The following RBM20 variants were observed in gnomAD, a reference collection of about 807,000 sequenced individuals.
The protein encoded by RBM20 is RNA binding motif protein 20.
Under a neutral mutation model 110.1 loss-of-function variants are expected in RBM20, and 51 were observed. The ratio of observed to expected loss-of-function variants is 0.46; its 90% CI spans 0.37 to 0.59. The LOEUF is 0.59. RBM20 is among the 20% of genes least tolerant of loss of function. The pLI is 0.00. For synonymous variants in RBM20, 589 were observed against 618.2 expected (o/e 0.95, Z 0.70); for missense variants, 1,512 against 1,574.9 (o/e 0.96, Z 0.68).
At chr10:110,783,458 C>G (rs1254694350) in intron 3 of RBM20, 31 bp downstream of exon 3, 2 of 1,509,180 alleles carry the variant, frequency 1.3e-6, no homozygotes, top group Non-Finnish European at 1.8e-6. Context: ...CAGGCTCATG[C>G]GTAGGCTCAA....
At chr10:110,680,969 C>T (rs1028872777) in intron 1 of RBM20, among the ~76,000 whole-genome samples, 1 of 152,090 alleles carries the variant, frequency 6.6e-6, no homozygotes, top group South Asian at 2.1e-4. Flanking sequence ...TGTATTTTTG[C>T]GTAATTACAG....
At chr10:110,649,365 G>C (rs902865578) in intron 1 of RBM20, among the ~76,000 whole-genome samples, 1 of 152,096 alleles carries the variant, frequency 6.6e-6, no homozygotes, top group African/African-American at 2.4e-5. Flanking sequence ...TCAATTCACA[G>C]GTTTGATAAA....
intron 1 of RBM20, among the ~76,000 whole-genome samples, chr10:110,680,983 T>C (rs1862415569): frequency 6.6e-6 from 1 of 152,254 alleles, no homozygotes; most frequent in Non-Finnish European, 1.5e-5. Context: ...ATTACAGACA[T>C]GACTTGTTAC....
chr10:110,649,055 C>T (rs1170313708), intron 1 of RBM20, among the ~76,000 whole-genome samples: 10 of 151,994 alleles, frequency 6.6e-5, no homozygotes, highest in African/African-American at 2.2e-4. Context: ...CTACCTCCTT[C>T]GCAGTTTATC....
At chr10:110,681,292 G>C (rs1402769643) in intron 1 of RBM20, among the ~76,000 whole-genome samples, 1 of 152,196 alleles carries the variant, frequency 6.6e-6, no homozygotes, top group African/African-American at 2.4e-5. Flanking sequence ...ACACTTCCAA[G>C]AAAATCTTCA....
At chr10:110,687,051 A>G (rs974060019) in intron 1 of RBM20, among the ~76,000 whole-genome samples, 1 of 151,960 alleles carries the variant, frequency 6.6e-6, no homozygotes, top group Non-Finnish European at 1.5e-5. Flanking sequence ...AGAAAAAAAA[A>G]AAAAAAGAAA....
At chr10:110,759,865 A>G (rs1843972362) in intron 1 of RBM20, among the ~76,000 whole-genome samples, 1 of 152,224 alleles carries the variant, frequency 6.6e-6, no homozygotes, top group South Asian at 2.1e-4. Context: ...ACCACCCTGA[A>G]AGGTGTAAGA....
chr10:110,815,470 G>C (rs1844826179), intron 9 of RBM20, among the ~76,000 whole-genome samples: 1 of 152,200 alleles, frequency 6.6e-6, no homozygotes, highest in Non-Finnish European at 1.5e-5. Flanking sequence ...CCAAGGACCT[G>C]GTGAACCAGT....
At position 110,661,365 on chromosome 10, in the gene RBM20, G is replaced by C. The variant is rs150275288; in HGVS notation, c.191+16720G>C. 6.4e-3 allele frequency among the ~76,000 whole-genome samples: 970 copies of C among 152,336 alleles called. 4 individuals are homozygous for C. Among genetic ancestry groups the C allele is most frequent in the South Asian group, 0.024 (116 of 4,832 alleles). On this transcript the variant is annotated intron_variant, in intron 1 of 13. Transcript: ENST00000369519. ...GCTCCAGCAGTTGCCAGTGTAGCCA[G>C]AACCCCTTAGGCTGGGATCTGACTT...
intron 5 of RBM20, among the ~76,000 whole-genome samples, chr10:110,791,549 T>TG (rs1285825945): frequency 1.3e-5 from 2 of 152,242 alleles, no homozygotes; most frequent in Non-Finnish European, 1.5e-5. Context: ...CAAGGGGCAA[T>TG]GAAAGGTCTT....
chr10:110,822,537 T>A, intron 11 of RBM20: 1 of 454,772 alleles, frequency 2.2e-6, no homozygotes, highest in Non-Finnish European at 4.4e-6. Context: ...GAGTTTAAAA[T>A]AGGCTAAGCC....
chr10:110,709,071 C>T (rs1862884467), intron 1 of RBM20, among the ~76,000 whole-genome samples: 1 of 152,154 alleles, frequency 6.6e-6, no homozygotes, highest in Non-Finnish European at 1.5e-5. Context: ...TCACCTCATC[C>T]CTCAATAGCA....
At chr10:110,831,682 A>AAAAC (rs528982096) in intron 13 of RBM20, among the ~76,000 whole-genome samples, 36,632 of 136,926 alleles carry the variant, frequency 0.27, 4,720 homozygotes, top group East Asian at 0.4. Flanking sequence ...AAAAAAAAAA[A>AAAAC]AAAAAAAAAC....
chr10:110,644,147 C>T (rs570790597), upstream of RBM20, among the ~76,000 whole-genome samples: 290 of 152,262 alleles, frequency 1.9e-3, 1 homozygote, highest in African/African-American at 6.8e-3. This position sits in a 1 kb window ranked among gnomAD's most constrained non-coding sequence, Gnocchi z 4.3. Flanking sequence ...TTCCTGCGCC[C>T]AGGGTCGGCG....
chr10:110,776,051 C>T (rs924877538), intron 1 of RBM20, among the ~76,000 whole-genome samples: 4 of 152,126 alleles, frequency 2.6e-5, no homozygotes, highest in Non-Finnish European at 5.9e-5. Flanking sequence ...ACAAAGTATC[C>T]GAGAGTGTTC....
intron 12 of RBM20, among the ~76,000 whole-genome samples, chr10:110,830,426 G>C (rs952823214): frequency 7.9e-5 from 12 of 152,060 alleles, no homozygotes; most frequent in African/African-American, 2.9e-4. Flanking sequence ...AGAGGAAGTG[G>C]GAAAATGTTA....
chr10:110,816,206 C>T (rs1490372666), intron 9 of RBM20, among the ~76,000 whole-genome samples: 3 of 151,714 alleles, frequency 2.0e-5, no homozygotes, highest in African/African-American at 7.3e-5. Flanking sequence ...TACTCATGGC[C>T]ACATTCTCTA....
chr10:110,802,490 C>T (rs919672306), intron 7 of RBM20, among the ~76,000 whole-genome samples: 1 of 150,888 alleles, frequency 6.6e-6, no homozygotes, highest in African/African-American at 2.4e-5. Context: ...CTGGATTCTT[C>T]CCTGGGGGCT....
At chr10:110,748,558 T>C (rs546422258) in intron 1 of RBM20, among the ~76,000 whole-genome samples, 9 of 152,274 alleles carry the variant, frequency 5.9e-5, no homozygotes, top group Non-Finnish European at 1.2e-4. Context: ...TTGGGCTCAA[T>C]GTAGAGATGT....
Sources: allele counts gnomAD v4.1 joint callset (sites outside exome capture counted in the v4.1 genomes callset), GRCh38; gene constraint gnomAD v4.1.1; non-coding constraint Gnocchi (gnomAD v3.1); transcripts MANE v1.5; gene names NCBI Gene and HGNC (gene_info 2026-07-23, HGNC 2026-07-21).